PAQR5: variants seen among roughly 807,000 people sequenced by gnomAD.
The protein encoded by PAQR5 is membrane progestin receptor gamma.
In PAQR5, 20 loss-of-function variants were observed where a neutral mutation model predicts 34.5. The ratio of observed to expected loss-of-function variants is 0.58; its 90% CI spans 0.41 to 0.84. The LOEUF (loss-of-function observed/expected upper bound fraction) is 0.84. PAQR5 is among the 40% of genes least tolerant of loss of function. PAQR5 has a pLI of 0.00. For missense variants in PAQR5, 378 were observed against 412.7 expected (o/e 0.92, Z 0.73); for synonymous variants, 131 against 155.6 (o/e 0.84, Z 1.18).
At chr15:69,382,603 C>G (rs1486489851) in intron 4 of PAQR5, among the ~76,000 whole-genome samples, 3 of 139,658 alleles carry the variant, frequency 2.1e-5, no homozygotes, top group Non-Finnish European at 4.5e-5. Flanking sequence ...CGAGATCGTG[C>G]CACTGCACTC....
intron 4 of PAQR5, among the ~76,000 whole-genome samples, chr15:69,384,233 G>C (rs2056029624): frequency 1.4e-5 from 2 of 143,678 alleles, no homozygotes; most frequent in Middle Eastern, 3.9e-3. Context: ...ATGGTGGAGG[G>C]TGTGTGGGCC....
chr15:69,388,181 C>T (rs1337641132), intron 5 of PAQR5, among the ~76,000 whole-genome samples: 1 of 152,180 alleles, frequency 6.6e-6, no homozygotes, highest in Non-Finnish European at 1.5e-5. Context: ...AGTGTAGCGC[C>T]CTCCTGCCAC....
chr15:69,310,995 C>T (rs1034450269), intron 1 of PAQR5, among the ~76,000 whole-genome samples: 51 of 134,332 alleles, frequency 3.8e-4, no homozygotes, highest in Middle Eastern at 4.1e-3. Context: ...GCCGAGATCG[C>T]GCCACTGCAC....
chr15:69,316,993 T>C (rs2053967334), intron 1 of PAQR5, among the ~76,000 whole-genome samples: 1 of 152,158 alleles, frequency 6.6e-6, no homozygotes, highest in Admixed American at 6.5e-5. Context: ...GTAATTTTTG[T>C]ATTTTTAGTA....
intron 1 of PAQR5, among the ~76,000 whole-genome samples, chr15:69,305,268 A>T (rs1438793889): frequency 1.3e-5 from 2 of 152,054 alleles, no homozygotes; most frequent in Non-Finnish European, 2.9e-5. Context: ...GGGACACTCC[A>T]TCTCTGGTTG....
intron 6 of PAQR5, chr15:69,392,043 C>T (rs768746766): frequency 6.9e-6 from 2 of 288,978 alleles, no homozygotes; most frequent in South Asian, 3.0e-5. Context: ...GGCAGTGGAG[C>T]CAAGAAAAAA....
rs2056756486 is a variant in PAQR5, at chr15:69,406,885, A to AG, written c.*3064dup. 1.3e-5 allele frequency: 2 copies of AG among 151,386 alleles called. No homozygotes were observed. Among genetic ancestry groups the AG allele is most frequent in the East Asian group, 3.9e-4 (2 of 5,112 alleles). The allele number at this position is 151,386 out of a possible 1,614,324, so 9.4% of individuals were successfully genotyped here. On this transcript the variant is annotated 3_prime_UTR_variant, in exon 9 of 9. Transcript: ENST00000395407. ...ACCCTGCCTCAAAAAAAAAAAAAAA[A>AG]GAATTTGTAATTGTTGGTAGGATGT...
rs1397803792 is a variant in PAQR5, at chr15:69,300,953, T to C, written c.-277+1897T>C. 5.5e-4 allele frequency among the ~76,000 whole-genome samples: 21 copies of C among 38,524 alleles called. 2 individuals carry two copies. The highest frequency in any genetic ancestry group is 1.9e-3 in the African/African-American group (20 of 10,298). The allele number at this position is 38,524 out of a possible 152,430, so 25.3% of individuals were successfully genotyped here. The stretch of plus-strand genomic sequence containing the variant: ...TCTCTCTCTCTCTTTCTTTCCTTCT[T>C]TCTTTCTTTCTTTCTTTCTTTCTTT... On this transcript the variant is annotated intron_variant, in intron 1 of 8. Transcript: ENST00000395407.
intron 3 of PAQR5, among the ~76,000 whole-genome samples, chr15:69,376,281 G>A (rs1284674673): frequency 6.6e-6 from 1 of 152,194 alleles, no homozygotes; most frequent in African/African-American, 2.4e-5. Flanking sequence ...AATGATTGCA[G>A]TTTTCCTTTG....
In PAQR5 at chr15:69,341,241, C is replaced by T. The variant is rs1016376134; in HGVS notation, c.-116+3740C>T. On this transcript the variant is annotated intron_variant, in intron 2 of 8. Transcript: ENST00000395407. ...AAATGTCTCTAAAATTTGCCTATTCCAGGCATGTCATCTCAATGGAATCAT... is the reference window on the plus strand; with the variant it reads ...AAATGTCTCTAAAATTTGCCTATTCTAGGCATGTCATCTCAATGGAATCAT... Among the ~76,000 whole-genome samples the T allele has an allele frequency of 2.0e-5, 3 of 149,106 alleles. No individual in the cohort carries two copies. In the East Asian group the frequency reaches 6.0e-4, roughly 30 times the overall value.
At chr15:69,375,552 C>T (rs181331280) in intron 3 of PAQR5, among the ~76,000 whole-genome samples, 1 of 152,228 alleles carries the variant, frequency 6.6e-6, no homozygotes, top group East Asian at 1.9e-4. Flanking sequence ...ACAGGCCAGG[C>T]GATAAGGGTT....
chr15:69,400,050 T>C lies in PAQR5; in HGVS notation c.686T>C (p.Leu229Pro). 6.2e-7 allele frequency: 1 copy of C among 1,614,238 alleles called. No individual in the cohort carries two copies. Among genetic ancestry groups the C allele is most frequent in the Non-Finnish European group, 8.5e-7 (1 of 1,180,022 alleles). ...CAGAAGCACATGATCATGACCCTCC[T>C]GGCCTCTTTCTTGTACTCTGCACAT... is the stretch of plus-strand genomic sequence containing the variant. ...YHQKHMIMTL[L>P]ASFLYSAHLP... The change falls in exon 8 of 9, where the codon CTG becomes CCG. Residue 229 changes from leucine to proline, a missense_variant. By Grantham distance (98) the Leu-to-Pro change is moderately conservative. Coordinates refer to ENST00000395407, the MANE Select transcript of PAQR5 (RefSeq NM_017705.4).
intron 5 of PAQR5, among the ~76,000 whole-genome samples, chr15:69,388,574 G>A (rs550661107): frequency 6.6e-6 from 1 of 152,324 alleles, no homozygotes; most frequent in African/African-American, 2.4e-5. Flanking sequence ...AGTCCAGCAG[G>A]GAACCCCCTC....
chr15:69,317,409 C>T (rs985859322), intron 1 of PAQR5, among the ~76,000 whole-genome samples: 2 of 152,178 alleles, frequency 1.3e-5, no homozygotes, highest in African/African-American at 4.8e-5. Context: ...TCTCTGACCC[C>T]TAGTACCCTC....
intron 1 of PAQR5, chr15:69,314,718 G>C (rs2053906918): frequency 6.6e-6 from 1 of 152,294 alleles, no homozygotes; most frequent in Non-Finnish European, 1.5e-5. Context: ...CACCGGGCCT[G>C]GTGTGCTGGG....
chr15:69,313,123 T>A (rs1035224023), intron 1 of PAQR5, among the ~76,000 whole-genome samples: 4 of 152,156 alleles, frequency 2.6e-5, no homozygotes, highest in Non-Finnish European at 4.4e-5. Context: ...AAACCTTTGT[T>A]GTATGTGTTT....
chr15:69,372,221 C>A (rs1478657000), intron 3 of PAQR5, among the ~76,000 whole-genome samples: 1 of 152,172 alleles, frequency 6.6e-6, no homozygotes, highest in Non-Finnish European at 1.5e-5. Context: ...TTACCATTGT[C>A]TTCTGTAAAT....
chr15:69,368,560 T>C (rs747148791), intron 3 of PAQR5, among the ~76,000 whole-genome samples: 1 of 152,170 alleles, frequency 6.6e-6, no homozygotes, highest in Non-Finnish European at 1.5e-5. Flanking sequence ...ATCAAAACCA[T>C]TTATATCTTC....
intron 6 of PAQR5, among the ~76,000 whole-genome samples, chr15:69,396,495 G>C (rs2056437786): frequency 6.6e-6 from 1 of 152,130 alleles, no homozygotes; most frequent in African/African-American, 2.4e-5. Context: ...CACTGTGCTG[G>C]GTTCCTTACC....
Sources: gnomAD v4.1 joint callset for allele counts (sites outside exome capture counted in the v4.1 genomes callset) on GRCh38, gnomAD v4.1.1 for gene constraint, MANE v1.5 for transcripts, NCBI Gene and HGNC (gene_info 2026-07-23, HGNC 2026-07-21) for gene names.